Variants in NLRP8 observed in about 807,000 individuals in gnomAD.
NLRP8 encodes the protein NLR family pyrin domain containing 8, also known as NACHT, LRR and PYD domains-containing protein 8.
A neutral mutation model predicts 88.7 loss-of-function variants in NLRP8; 86 were observed. The observed-to-expected ratio is 0.97, with a 90% CI of 0.81 to 1.16. NLRP8 has a LOEUF of 1.16. Among genes scored for constraint, NLRP8 ranks in the 50% most tolerant of loss-of-function variants. The pLI, the probability that NLRP8 is intolerant of heterozygous loss-of-function variation, is 0.00. For missense variants in NLRP8, 1,342 were observed against 1,286.5 expected (o/e 1.04, Z -0.66); for synonymous variants, 504 against 494.6 (o/e 1.02, Z -0.25).
intron 8 of NLRP8, among the ~76,000 whole-genome samples, chr19:55,977,175 C>T (rs1440927086): frequency 7.2e-6 from 1 of 138,160 alleles, no homozygotes; most frequent in Non-Finnish European, 1.5e-5. Flanking sequence ...ACATAAGATA[C>T]ATATATACAT....
In NLRP8 at chr19:55,979,673, C is replaced by T. The variant is rs190975518; in HGVS notation, c.3047+109C>T. On this transcript the variant is annotated intron_variant, in intron 9 of 9. Coordinates refer to ENST00000291971, the MANE Select transcript of NLRP8 (RefSeq NM_176811.2). ...GTGGTGCATGCCTGTAATCCCAGCA[C>T]TTTGGGAGACTGAGACAGGCAGATC... is the stretch of plus-strand genomic sequence containing the variant. 953 of 1,163,486 alleles carry T rather than the reference C, an allele frequency of 8.2e-4. 1 individual carries two copies. The highest frequency in any genetic ancestry group is 1.1e-3 in the Non-Finnish European group (902 of 813,500). 72.1% of individuals were successfully genotyped at this position (1,163,486 alleles called of 1,614,324 possible).
intron 9 of NLRP8, among the ~76,000 whole-genome samples, chr19:55,979,957 T>G (rs150785288): frequency 6.6e-6 from 1 of 152,180 alleles, no homozygotes; most frequent in African/African-American, 2.4e-5. Context: ...GGAATGCTAT[T>G]GTTTCAGGTG....
chr19:55,957,706 TATATATATATATATATATAA>T lies in NLRP8; in HGVS notation c.2042+1608_2042+1627del, dbSNP rs1568460996. On this transcript the variant is annotated intron_variant, in intron 3 of 9. Coordinates refer to ENST00000291971, the MANE Select transcript of NLRP8 (RefSeq NM_176811.2). ...ATATATATATATATATATATATATA[TATATATATATATATATATAA>T]AATAAGGTTGTTAAACGTGTTAAAA... 8.1e-3 allele frequency among the ~76,000 whole-genome samples: 378 copies of T among 46,652 alleles called. 7 individuals carry two copies. The highest frequency in any genetic ancestry group is 0.028 in the South Asian group (30 of 1,056). 30.6% of individuals were successfully genotyped at this position (46,652 alleles called of 152,430 possible). A position where few individuals can be genotyped will look rare whatever the true frequency, so the allele number is the denominator to read the frequency against.
chr19:55,974,534 G>A (rs190135422), intron 7 of NLRP8, among the ~76,000 whole-genome samples: 1 of 152,102 alleles, frequency 6.6e-6, no homozygotes, highest in East Asian at 1.9e-4. Context: ...GGATCACGAG[G>A]TCAGGAGATC....
intron 2 of NLRP8, 130 bp from the exon 3 acceptor site, chr19:55,954,371 G>A (rs560403345): frequency 2.2e-6 from 2 of 919,334 alleles, no homozygotes; most frequent in African/African-American, 3.3e-5. Context: ...ATCAGGAAAG[G>A]TTATTTCATT....
chr19:55,976,831 G>A (rs2043598), intron 8 of NLRP8, among the ~76,000 whole-genome samples: 18,968 of 90,826 alleles, frequency 0.21, 1,464 homozygotes, highest in East Asian at 0.25. Context: ...TATAATCCCA[G>A]CACTTTGGGA....
chr19:55,949,750 G>A (rs1404125590), intron 1 of NLRP8, among the ~76,000 whole-genome samples: 1 of 152,130 alleles, frequency 6.6e-6, no homozygotes, highest in Non-Finnish European at 1.5e-5. Flanking sequence ...GGTAAGAATG[G>A]AGAAAACGTC....
At chr19:55,976,425 A>C (rs1980327574) in intron 8 of NLRP8, 122 bp downstream of exon 8, 1 of 838,276 alleles carries the variant, frequency 1.2e-6, no homozygotes, top group South Asian at 4.2e-5. Flanking sequence ...CCTCCATTGA[A>C]TTGGAGAACT....
At chr19:55,978,666 A>T (rs1980448755) in intron 8 of NLRP8, among the ~76,000 whole-genome samples, 1 of 152,114 alleles carries the variant, frequency 6.6e-6, no homozygotes, top group African/African-American at 2.4e-5. Context: ...CGTATTTATG[A>T]TACACGGCAC....
chr19:55,962,082 T>C lies in NLRP8; in HGVS notation c.2058T>C (p.Asn686=), dbSNP rs765211383. ...TTCCATGTAGAGCGCCAGAGAGCAA[T>C]GGGCTGCATCGTTGGTGGCAAGACT... Residue 686 remains asparagine, a synonymous_variant, in exon 4 of 10, where the codon AAT becomes AAC. Coordinates refer to ENST00000291971, the MANE Select transcript of NLRP8 (RefSeq NM_176811.2). The C allele has an allele frequency of 1.2e-6, 2 of 1,614,052 alleles. No homozygotes were observed. The highest frequency in any genetic ancestry group is 1.1e-5 in the South Asian group (1 of 91,072).
chr19:55,975,992 AAAAC>A lies in NLRP8; in HGVS notation c.2706-129_2706-126del, dbSNP rs922726917. 48 of 850,720 alleles carry A rather than the reference AAAAC, an allele frequency of 5.6e-5. 1 individual carries two copies. The highest frequency in any genetic ancestry group is 8.7e-5 in the East Asian group (3 of 34,410). 52.7% of individuals were successfully genotyped at this position (850,720 alleles called of 1,614,324 possible). ...TGGTTATGCCATTATGCAAAAACAA[AAAAC>A]AAACAAACAAAACAAACAAATAAAA... On this transcript the variant is annotated intron_variant, in intron 7 of 9. Coordinates refer to ENST00000291971, the MANE Select transcript of NLRP8 (RefSeq NM_176811.2).
intron 9 of NLRP8, among the ~76,000 whole-genome samples, chr19:55,986,726 G>A (rs1423703342): frequency 6.6e-6 from 1 of 152,204 alleles, no homozygotes; most frequent in Non-Finnish European, 1.5e-5. Context: ...AGGAACTATC[G>A]CCACGTGGGC....
chr19:55,955,126 G>C lies in NLRP8; in HGVS notation c.1068G>C (p.Gly356=), dbSNP rs143394774. ...GTCCCTCTCTCGTAACCCTTCCGGG[G>C]TTTAATACGATGGAAAAAATCAAGT... The change falls in exon 3 of 10, where the codon GGG becomes GGC. Residue 356 remains glycine (G), a synonymous_variant. Coordinates refer to ENST00000291971, the MANE Select transcript of NLRP8 (RefSeq NM_176811.2). 22 of 1,613,924 alleles carry C rather than the reference G, an allele frequency of 1.4e-5. No individual in the cohort carries two copies. The highest frequency in any genetic ancestry group is 2.7e-5 in the African/African-American group (2 of 74,918).
In NLRP8 at chr19:55,970,656, G is replaced by A; in HGVS notation, c.2494G>A (p.Gly832Arg). ...AAGAAAAAACTCCCTGGAGAACTGT[G>A]GGGCGTATTACCTGTCTGTGGCCCA... Residue 832 changes from glycine (G) to arginine (R), a missense_variant, in exon 6 of 10, where the codon GGG (glycine) becomes AGG (arginine). By Grantham distance (125) the Gly-to-Arg change is moderately radical. Coordinates refer to ENST00000291971, the MANE Select transcript of NLRP8 (RefSeq NM_176811.2). The A allele has an allele frequency of 6.2e-7, 1 of 1,614,084 alleles. No homozygotes were observed. The highest frequency in any genetic ancestry group is 1.3e-5 in the African/African-American group (1 of 75,032).
chr19:55,971,439 CAAA>C (rs34787079), intron 6 of NLRP8, among the ~76,000 whole-genome samples: 59 of 87,002 alleles, frequency 6.8e-4, no homozygotes, highest in African/African-American at 1.6e-3. Flanking sequence ...AGACTCGTCT[CAAA>C]AAAAAAAAAA....
intron 6 of NLRP8, 80 bp from the exon 7 acceptor site, chr19:55,973,572 G>A (rs1356139870): frequency 1.1e-5 from 15 of 1,316,126 alleles, no homozygotes; most frequent in Non-Finnish European, 1.5e-5. Flanking sequence ...CAGAGGGAGA[G>A]CCCTGACTGA....
chr19:55,950,534 C>T (rs1462759487), intron 1 of NLRP8, among the ~76,000 whole-genome samples: 1 of 152,134 alleles, frequency 6.6e-6, no homozygotes, highest in Non-Finnish European at 1.5e-5. Context: ...TCGTAACCCC[C>T]AAATCAATAC....
chr19:55,976,084 T>TGTG lies in NLRP8; in HGVS notation c.2706-49_2706-48insGTG, dbSNP rs770324653. On this transcript the variant is annotated intron_variant, in intron 7 of 9. Transcript: ENST00000291971. ...TTTTCGTTGTTGTTGTTGTTGTTGTTTTGTTGTAGTTGTTGTTGTTGTTGT... is the reference window on the plus strand; with the variant it reads ...TTTTCGTTGTTGTTGTTGTTGTTGTTGTGTTGTTGTAGTTGTTGTTGTTGTTGT... 3.1e-5 allele frequency: 44 copies of TGTG among 1,437,942 alleles called. 1 individual carries two copies. Among genetic ancestry groups the TGTG allele is most frequent in the Non-Finnish European group, 3.7e-5 (40 of 1,075,126 alleles). 89.1% of individuals were successfully genotyped at this position (1,437,942 alleles called of 1,614,324 possible).
At chr19:55,964,161 C>T (rs1439622760) in intron 4 of NLRP8, among the ~76,000 whole-genome samples, 1 of 152,218 alleles carries the variant, frequency 6.6e-6, no homozygotes, top group African/African-American at 2.4e-5. Context: ...CATCACATGG[C>T]CCCTGGCCAT....
Sources: gnomAD v4.1 joint callset for allele counts (sites outside exome capture counted in the v4.1 genomes callset) on GRCh38, gnomAD v4.1.1 for gene constraint, MANE v1.5 for transcripts, NCBI Gene and HGNC (gene_info 2026-07-23, HGNC 2026-07-21) for gene names.